RGS6: variants seen among roughly 807,000 people sequenced by gnomAD.
RGS6 encodes the protein regulator of G-protein signaling 6.
In RGS6, 30 loss-of-function variants were observed where a neutral mutation model predicts 78.5. The ratio of observed to expected loss-of-function variants is 0.38; its 90% CI spans 0.29 to 0.52. The LOEUF is 0.52. Among genes scored for constraint, RGS6 ranks in the 20% least tolerant of loss-of-function variants. The pLI is 0.85. For missense variants in RGS6, 495 were observed against 609.7 expected (o/e 0.81, Z 1.98); for synonymous variants, 206 against 206.0 (o/e 1.00, Z 0.00).
chr14:72,604,265 C>T, the RGS6 span, among the ~76,000 whole-genome samples: 1 of 152,200 alleles, frequency 6.6e-6, no homozygotes, highest in Non-Finnish European at 1.5e-5. Context: ...CTCAGCCCAG[C>T]ATCCCTAGAA....
chr14:72,153,313 A>C (rs2096721075), intron 2 of RGS6, among the ~76,000 whole-genome samples: 1 of 152,194 alleles, frequency 6.6e-6, no homozygotes, highest in African/African-American at 2.4e-5. Context: ...GTGACCACAG[A>C]GTTTAAAGCA....
the RGS6 span, among the ~76,000 whole-genome samples, chr14:72,620,866 C>T: frequency 0.074 from 11,206 of 152,246 alleles, 515 homozygotes; most frequent in Non-Finnish European, 0.099. Flanking sequence ...CTTGGCTGGG[C>T]GCTGTGGCGC....
upstream of RGS6, among the ~76,000 whole-genome samples, chr14:71,930,692 C>G (rs980076036): frequency 6.6e-6 from 1 of 151,908 alleles, no homozygotes; most frequent in South Asian, 2.1e-4. Context: ...CTCAGAAATG[C>G]AGAGTTCCCA....
At position 72,472,879 on chromosome 14, in the gene RGS6, C is replaced by A; in HGVS notation, c.544C>A (p.Arg182=). ...CTCTCTTTACTCTTTCAGGATTGAC[C>A]GGAAAAAAGACAAGACAGAAAGGAA... ...MQAEAQVKID[R]KKDKTERKIL... The change falls in exon 9 of 18, where the codon CGG becomes AGG. Residue 182 remains arginine, a synonymous_variant. Coordinates refer to ENST00000553525, the MANE Select transcript of RGS6 (RefSeq NM_001204424.2). The A allele has an allele frequency of 1.2e-6, 2 of 1,610,500 alleles. No individual in the cohort carries two copies. Among genetic ancestry groups the A allele is most frequent in the Non-Finnish European group, 1.7e-6 (2 of 1,177,596 alleles).
At chr14:72,146,999 A>G (rs1245894519) in intron 2 of RGS6, among the ~76,000 whole-genome samples, 1 of 152,208 alleles carries the variant, frequency 6.6e-6, no homozygotes, top group Non-Finnish European at 1.5e-5. Flanking sequence ...CCTTTACTCC[A>G]GTTTCCAATA....
chr14:72,100,060 T>C (rs1053047666), intron 2 of RGS6, among the ~76,000 whole-genome samples: 1 of 152,054 alleles, frequency 6.6e-6, no homozygotes, highest in African/African-American at 2.4e-5. Context: ...GAGACTGTTG[T>C]GTACAGGGGA....
At chr14:72,572,348 G>C in the RGS6 span, among the ~76,000 whole-genome samples, 1 of 152,210 alleles carries the variant, frequency 6.6e-6, no homozygotes, top group East Asian at 1.9e-4. Flanking sequence ...GAACACAAGT[G>C]TTCATAGCAG....
chr14:72,410,322 T>C (rs1162184918), intron 3 of RGS6, among the ~76,000 whole-genome samples: 1 of 152,380 alleles, frequency 6.6e-6, no homozygotes, highest in East Asian at 1.9e-4. Context: ...TGGCCAGTGA[T>C]GATGAGCATT....
At chr14:72,617,254 G>A in the RGS6 span, among the ~76,000 whole-genome samples, 4 of 152,216 alleles carry the variant, frequency 2.6e-5, no homozygotes, top group Non-Finnish European at 5.9e-5. Flanking sequence ...AAACTTTTAA[G>A]CTATTGTGGC....
intron 3 of RGS6, among the ~76,000 whole-genome samples, chr14:72,399,433 C>T (rs1410995306): frequency 2.0e-5 from 3 of 151,988 alleles, no homozygotes; most frequent in East Asian, 1.9e-4. Flanking sequence ...TGTCTCTGCA[C>T]GTGAGATGGG....
chr14:72,544,154 G>A (rs1298645299), intron 17 of RGS6, among the ~76,000 whole-genome samples: 1 of 152,218 alleles, frequency 6.6e-6, no homozygotes, highest in Non-Finnish European at 1.5e-5. Flanking sequence ...GTGGGAGGGA[G>A]AGGGGGCAAG....
chr14:72,495,264 TA>T lies in RGS6; in HGVS notation c.965+8del. 6.3e-7 allele frequency: 1 copy of T among 1,589,448 alleles called. No homozygotes were observed. Among genetic ancestry groups the T allele is most frequent in the Non-Finnish European group, 8.6e-7 (1 of 1,157,608 alleles). On this transcript the variant is annotated splice_donor_region_variant and intron_variant, in intron 13 of 17. Transcript: ENST00000553525. Reference sequence around the variant, plus strand: ...TGCTTTGTGGGACATAGAGATGAGGTAAAAAATGTTTTAAGGTTTGGGAGTG... The same window carrying T: ...TGCTTTGTGGGACATAGAGATGAGGTAAAAATGTTTTAAGGTTTGGGAGTG...
At chr14:72,620,111 T>C in the RGS6 span, 3 of 935,532 alleles carry the variant, frequency 3.2e-6, no homozygotes, top group Non-Finnish European at 4.6e-6. Flanking sequence ...CAGGCCCCAC[T>C]TGGAGTCCTC....
At chr14:72,537,450 G>A (rs2153502478) in intron 16 of RGS6, 1 of 702,168 alleles carries the variant, frequency 1.4e-6, no homozygotes, top group African/African-American at 1.7e-5. Flanking sequence ...GTCTGAGAAA[G>A]GAAAGAGGAC....
chr14:72,541,861 G>A (rs1255841614), intron 17 of RGS6, among the ~76,000 whole-genome samples: 1 of 152,170 alleles, frequency 6.6e-6, no homozygotes, highest in African/African-American at 2.4e-5. Flanking sequence ...TATCAAGAAA[G>A]GCAAGAATGG....
intron 2 of RGS6, among the ~76,000 whole-genome samples, chr14:72,266,112 A>G (rs549074236): frequency 3.5e-4 from 53 of 152,194 alleles, no homozygotes; most frequent in African/African-American, 1.3e-3. Context: ...CTCAGCTGGG[A>G]AATTCTTTTG....
At chr14:72,033,731 G>T (rs952538119) in intron 2 of RGS6, among the ~76,000 whole-genome samples, 1 of 152,172 alleles carries the variant, frequency 6.6e-6, no homozygotes, top group African/African-American at 2.4e-5. Context: ...TCAAACTGTT[G>T]TATGTTGAGG....
the RGS6 span, among the ~76,000 whole-genome samples, chr14:71,878,665 A>T: frequency 2.6e-5 from 4 of 152,140 alleles, no homozygotes; most frequent in Non-Finnish European, 5.9e-5. Context: ...GCTTTGGCTT[A>T]TGGTCTGCAG....
intron 3 of RGS6, among the ~76,000 whole-genome samples, chr14:72,440,414 CTTT>C (rs60589205): frequency 5.3e-5 from 7 of 131,970 alleles, no homozygotes; most frequent in Admixed American, 1.6e-4. Flanking sequence ...ACCTACACTT[CTTT>C]TTTTTTTTTT....
Sources: allele counts gnomAD v4.1 joint callset (sites outside exome capture counted in the v4.1 genomes callset), GRCh38; gene constraint gnomAD v4.1.1; transcripts MANE v1.5; gene names NCBI Gene and HGNC (gene_info 2026-07-23, HGNC 2026-07-21).